CAMTA1: variants seen among roughly 807,000 people sequenced by gnomAD.
The protein encoded by CAMTA1 is calmodulin-binding transcription activator 1.
Under a neutral mutation model 170.9 loss-of-function variants are expected in CAMTA1, and 27 were observed. The ratio of observed to expected loss-of-function variants is 0.16; its 90% CI spans 0.12 to 0.22. CAMTA1 has a LOEUF of 0.22. CAMTA1 is among the 10% of genes least tolerant of loss of function. The pLI, the probability that CAMTA1 is intolerant of heterozygous loss-of-function variation, is 1.00. For synonymous variants in CAMTA1, 833 were observed against 891.5 expected (o/e 0.93, Z 1.17); for missense variants, 1,619 against 2,217.2 (o/e 0.73, Z 5.42).
intron 4 of CAMTA1, among the ~76,000 whole-genome samples, chr1:7,147,603 C>T (rs955869921): frequency 7.9e-5 from 12 of 151,648 alleles, no homozygotes; most frequent in Non-Finnish European, 1.6e-4. Flanking sequence ...CATGCACACA[C>T]ACACTCATAC....
chr1:7,708,310 AAC>A (rs2096542620), intron 11 of CAMTA1, among the ~76,000 whole-genome samples: 1 of 152,062 alleles, frequency 6.6e-6, no homozygotes, highest in South Asian at 2.1e-4. Flanking sequence ...CATCCTGAGC[AAC>A]AGAGTGAGAC....
At chr1:7,368,736 G>A (rs925938536) in intron 5 of CAMTA1, among the ~76,000 whole-genome samples, 8 of 152,160 alleles carry the variant, frequency 5.3e-5, no homozygotes, top group South Asian at 2.1e-4. Context: ...AGCACCCACC[G>A]TGGTACCTGG....
chr1:7,483,734 G>GGGGAA (rs2093574394), intron 6 of CAMTA1, among the ~76,000 whole-genome samples: 1 of 152,122 alleles, frequency 6.6e-6, no homozygotes, highest in Non-Finnish European at 1.5e-5. Context: ...GTCCCACCCT[G>GGGGAA]GGGAGGGAAA....
intron 6 of CAMTA1, among the ~76,000 whole-genome samples, chr1:7,524,546 C>G (rs993466246): frequency 2.0e-5 from 3 of 152,140 alleles, no homozygotes; most frequent in African/African-American, 7.2e-5. Context: ...CATCCTTGCC[C>G]CATTCCTCAT....
At chr1:7,109,218 G>A (rs547641523) in intron 4 of CAMTA1, among the ~76,000 whole-genome samples, 21 of 152,344 alleles carry the variant, frequency 1.4e-4, no homozygotes, top group African/African-American at 4.8e-4. Context: ...ATTAAGTCCA[G>A]CTCCTGTCAA....
At chr1:6,895,598 T>A (rs1421282620) in intron 3 of CAMTA1, among the ~76,000 whole-genome samples, 1 of 152,254 alleles carries the variant, frequency 6.6e-6, no homozygotes, top group Non-Finnish European at 1.5e-5. Flanking sequence ...CCTCTGCCTC[T>A]CCATTTCCTA....
At chr1:7,287,529 G>A (rs1672516228) in intron 5 of CAMTA1, among the ~76,000 whole-genome samples, 1 of 151,630 alleles carries the variant, frequency 6.6e-6, no homozygotes, top group Non-Finnish European at 1.5e-5. Flanking sequence ...ACGTTGTATT[G>A]GTCAGGCTAG....
At chr1:7,018,793 T>C (rs1419722823) in intron 3 of CAMTA1, among the ~76,000 whole-genome samples, 4 of 152,190 alleles carry the variant, frequency 2.6e-5, no homozygotes, top group African/African-American at 9.7e-5. Flanking sequence ...TTGGTTTTAA[T>C]GCTCATCCTT....
At chr1:7,269,267 G>C (rs910719776) in intron 5 of CAMTA1, among the ~76,000 whole-genome samples, 2 of 152,206 alleles carry the variant, frequency 1.3e-5, no homozygotes, top group African/African-American at 4.8e-5. Context: ...ACAGATGTTG[G>C]ATCAAGGGCT....
intron 3 of CAMTA1, among the ~76,000 whole-genome samples, chr1:6,976,548 G>T (rs1030255412): frequency 1.3e-5 from 2 of 152,286 alleles, no homozygotes; most frequent in South Asian, 2.1e-4. Flanking sequence ...GCAGATCCAC[G>T]TGAAAGCCAG....
At chr1:7,259,863 C>T (rs959361075) in intron 5 of CAMTA1, among the ~76,000 whole-genome samples, 2 of 152,212 alleles carry the variant, frequency 1.3e-5, no homozygotes, top group African/African-American at 4.8e-5. Context: ...CCTGTTCTTC[C>T]ATCCTTTAGC....
intron 5 of CAMTA1, among the ~76,000 whole-genome samples, chr1:7,428,707 A>G (rs1447525539): frequency 1.3e-5 from 2 of 151,888 alleles, no homozygotes; most frequent in Non-Finnish European, 1.5e-5. Context: ...TCCCTCATCC[A>G]TCACTCCTTC....
chr1:6,983,315 C>A (rs1042246723), intron 3 of CAMTA1, among the ~76,000 whole-genome samples: 2 of 152,126 alleles, frequency 1.3e-5, no homozygotes, highest in Admixed American at 1.3e-4. Flanking sequence ...CTTCTACCTG[C>A]CTTCCCTCCA....
intron 3 of CAMTA1, among the ~76,000 whole-genome samples, chr1:6,912,846 G>C (rs1019714160): frequency 6.6e-6 from 1 of 152,224 alleles, no homozygotes; most frequent in African/African-American, 2.4e-5. Flanking sequence ...CCAGTCGGCA[G>C]CTGGGAGTTG....
intron 5 of CAMTA1, among the ~76,000 whole-genome samples, chr1:7,339,079 C>T (rs2083602025): frequency 1.3e-5 from 2 of 152,160 alleles, no homozygotes; most frequent in Admixed American, 1.3e-4. Flanking sequence ...GAACTCCGCC[C>T]CCTCCCACCA....
intron 4 of CAMTA1, among the ~76,000 whole-genome samples, chr1:7,220,953 G>A (rs538390543): frequency 6.6e-6 from 1 of 152,320 alleles, no homozygotes; most frequent in Admixed American, 6.5e-5. Flanking sequence ...GCTGGGCCCA[G>A]GAGGTCTCCC....
intron 11 of CAMTA1, among the ~76,000 whole-genome samples, chr1:7,726,313 G>A (rs1436572359): frequency 1.3e-5 from 2 of 152,142 alleles, no homozygotes; most frequent in Non-Finnish European, 2.9e-5. Flanking sequence ...TGATAGCTCA[G>A]TGTAGTTCTG....
At chr1:7,589,627 G>C (rs911232363) in intron 6 of CAMTA1, among the ~76,000 whole-genome samples, 2 of 152,156 alleles carry the variant, frequency 1.3e-5, no homozygotes, top group Admixed American at 1.3e-4. Context: ...CAGCATCTGC[G>C]GGGTAAATCC....
At chr1:7,177,337 G>T (rs1651063232) in intron 4 of CAMTA1, among the ~76,000 whole-genome samples, 1 of 146,874 alleles carries the variant, frequency 6.8e-6, no homozygotes, top group Non-Finnish European at 1.5e-5. Context: ...ACACACTGAG[G>T]CTTCCTTCAG....
Sources: gnomAD v4.1 joint callset for allele counts (sites outside exome capture counted in the v4.1 genomes callset) on GRCh38, gnomAD v4.1.1 for gene constraint, MANE v1.5 for transcripts, NCBI Gene and HGNC (gene_info 2026-07-23, HGNC 2026-07-21) for gene names.